The following PKIG variants were observed in gnomAD, a reference collection of about 807,000 sequenced individuals.
PKIG encodes protein kinase (cAMP-dependent, catalytic) inhibitor gamma.
In PKIG, 1 loss-of-function variant was observed where a neutral mutation model predicts 6.8. The ratio of observed to expected loss-of-function variants is 0.15; its 90% confidence interval spans 0.05 to 0.69. The LOEUF (loss-of-function observed/expected upper bound fraction) is 0.69, where lower values mean the gene tolerates loss of function less well. PKIG is among the 30% of genes least tolerant of loss of function. The pLI is 0.82. For synonymous variants in PKIG, 39 were observed against 43.0 expected (o/e 0.91, Z 0.36); for missense variants, 77 against 104.0 (o/e 0.74, Z 1.13).
intron 2 of PKIG, among the ~76,000 whole-genome samples, chr20:44,594,934 A>G (rs2065062633): frequency 6.6e-6 from 1 of 152,194 alleles, no homozygotes; most frequent in Non-Finnish European, 1.5e-5. Flanking sequence ...TGCCATAGCA[A>G]CTTTCCAAGC....
At position 44,607,345 on chromosome 20, in the gene PKIG, A is replaced by ATG. The variant is rs1169280988; in HGVS notation, c.-23-7175_-23-7174dup. Among the ~76,000 whole-genome samples the ATG allele has an allele frequency of 1.6e-3, 220 of 136,378 alleles. 1 individual carries two copies. Among genetic ancestry groups the ATG allele is most frequent in the Middle Eastern group, 7.3e-3 (2 of 274 alleles). 89.5% of individuals were successfully genotyped at this position (136,378 alleles called of 152,430 possible). A position where few individuals can be genotyped will look rare whatever the true frequency, so the allele number is the denominator to read the frequency against. On this transcript the variant is annotated intron_variant, in intron 2 of 3. Coordinates refer to ENST00000372886, the MANE Select transcript of PKIG (RefSeq NM_001281445.2). ...TGTGTGTGTGTGTTTGTGTGTGTAT[A>ATG]TGTGTGTGTGTGTGTATATATATAT...
chr20:44,573,558 C>A (rs560476496), intron 1 of PKIG, among the ~76,000 whole-genome samples: 1 of 152,338 alleles, frequency 6.6e-6, no homozygotes, highest in East Asian at 1.9e-4. Flanking sequence ...AAGGTACTTT[C>A]TGGACTATAC....
At chr20:44,544,321 A>G (rs545733843) in intron 1 of PKIG, among the ~76,000 whole-genome samples, 30 of 151,592 alleles carry the variant, frequency 2.0e-4, no homozygotes, top group Middle Eastern at 3.4e-3. Flanking sequence ...TTTTTTTTCT[A>G]TGAGTAGGTG....
At chr20:44,576,054 C>T (rs888504484) in intron 1 of PKIG, among the ~76,000 whole-genome samples, 4 of 152,100 alleles carry the variant, frequency 2.6e-5, no homozygotes, top group African/African-American at 9.7e-5. Flanking sequence ...CCCTTGTTCT[C>T]TAATGATCCT....
At chr20:44,559,768 T>C (rs375482592) in intron 1 of PKIG, among the ~76,000 whole-genome samples, 4 of 152,254 alleles carry the variant, frequency 2.6e-5, no homozygotes, top group African/African-American at 4.8e-5. Flanking sequence ...TTGGTGAATA[T>C]TCAGATTGTC....
chr20:44,598,134 C>T (rs531636343), intron 2 of PKIG, among the ~76,000 whole-genome samples: 18 of 152,106 alleles, frequency 1.2e-4, no homozygotes, highest in East Asian at 9.7e-4. Context: ...CTTTCCTGGC[C>T]GTCTCAGGAC....
At chr20:44,617,678 C>G (rs916263137) in intron 3 of PKIG, among the ~76,000 whole-genome samples, 1 of 152,080 alleles carries the variant, frequency 6.6e-6, no homozygotes, top group African/African-American at 2.4e-5. Flanking sequence ...GCACGGTTGG[C>G]CCCCACAGAC....
chr20:44,554,078 T>A (rs1600847291), intron 1 of PKIG, among the ~76,000 whole-genome samples: 2 of 147,270 alleles, frequency 1.4e-5, no homozygotes, highest in East Asian at 4.4e-4. Flanking sequence ...AAAAAAAAAT[T>A]TTTTTTTTTT....
chr20:44,547,622 G>A (rs760884279), intron 1 of PKIG, among the ~76,000 whole-genome samples: 3 of 152,202 alleles, frequency 2.0e-5, no homozygotes, highest in Non-Finnish European at 4.4e-5. Context: ...TCACTCCTGC[G>A]TAGTTTGTGG....
chr20:44,575,734 T>C (rs1438358939), intron 1 of PKIG, among the ~76,000 whole-genome samples: 1 of 152,114 alleles, frequency 6.6e-6, no homozygotes, highest in Non-Finnish European at 1.5e-5. Flanking sequence ...GGCAGTTCAT[T>C]CAATTTATTT....
intron 2 of PKIG, among the ~76,000 whole-genome samples, chr20:44,600,526 A>AT (rs906439681): frequency 6.6e-6 from 1 of 152,004 alleles, no homozygotes; most frequent in Non-Finnish European, 1.5e-5. Flanking sequence ...AGGTCAGCAG[A>AT]TTCAAGCTCT....
At chr20:44,610,133 C>A (rs1414559871) in intron 2 of PKIG, among the ~76,000 whole-genome samples, 1 of 152,196 alleles carries the variant, frequency 6.6e-6, no homozygotes, top group Non-Finnish European at 1.5e-5. Flanking sequence ...TAGGGCAGCG[C>A]GCAAGGCTGC....
intron 1 of PKIG, among the ~76,000 whole-genome samples, chr20:44,568,472 CTTT>C (rs577898928): frequency 6.8e-6 from 1 of 146,028 alleles, no homozygotes. Flanking sequence ...TAAAGTGAGA[CTTT>C]TTTTTTTTTG....
At chr20:44,598,153 T>C (rs1225064553) in intron 2 of PKIG, among the ~76,000 whole-genome samples, 2 of 152,186 alleles carry the variant, frequency 1.3e-5, no homozygotes, top group Non-Finnish European at 2.9e-5. Context: ...ACCTCTCCCC[T>C]GTGGTTACTT....
intron 2 of PKIG, among the ~76,000 whole-genome samples, chr20:44,596,983 G>T (rs564694478): frequency 1.1e-4 from 17 of 152,280 alleles, no homozygotes; most frequent in Non-Finnish European, 2.2e-4. Context: ...CCTCTTATTA[G>T]TCTTTCTGGG....
upstream of PKIG, among the ~76,000 whole-genome samples, chr20:44,581,226 C>CCTCATAT (rs1389484103): frequency 2.0e-4 from 31 of 152,140 alleles, no homozygotes; most frequent in African/African-American, 7.5e-4. Context: ...AATAATGTAG[C>CCTCATAT]CTCATAGCAC....
At chr20:44,607,747 C>T (rs1272246058) in intron 2 of PKIG, among the ~76,000 whole-genome samples, 35 of 150,108 alleles carry the variant, frequency 2.3e-4, no homozygotes, top group African/African-American at 7.6e-4. Flanking sequence ...TGCAGTGGCA[C>T]GATCTCGGCT....
intron 1 of PKIG, chr20:44,564,157 G>A (rs1036060481): frequency 1.3e-5 from 2 of 152,140 alleles, no homozygotes; most frequent in African/African-American, 2.4e-5. Flanking sequence ...TGAGGTAAAA[G>A]ACTACTTATT....
chr20:44,560,974 A>G (rs1335558383), intron 1 of PKIG, among the ~76,000 whole-genome samples: 1 of 152,264 alleles, frequency 6.6e-6, no homozygotes, highest in Non-Finnish European at 1.5e-5. Flanking sequence ...GCCATGAGAT[A>G]CTGGAATTTC....
Sources: allele counts gnomAD v4.1 joint callset (sites outside exome capture counted in the v4.1 genomes callset), GRCh38; gene constraint gnomAD v4.1.1; transcripts MANE v1.5; gene names NCBI Gene and HGNC (gene_info 2026-07-23, HGNC 2026-07-21).